The following MAP7D1 variants were observed in gnomAD, a reference collection of about 807,000 sequenced individuals.
The protein encoded by MAP7D1 is MAP7 domain containing 1, also known as MAP7 domain-containing protein 1.
Under a neutral mutation model 97.5 loss-of-function variants are expected in MAP7D1, and 30 were observed. The ratio of observed to expected loss-of-function variants is 0.31; its 90% CI spans 0.23 to 0.42. MAP7D1 has a LOEUF of 0.42. MAP7D1 is among the 10% of genes least tolerant of loss of function. MAP7D1 has a pLI of 1.00. For missense variants in MAP7D1, 1,184 were observed against 1,179.5 expected, an observed-to-expected ratio of 1.00 and a Z score of -0.06; for synonymous variants, 536 against 477.1, an observed-to-expected ratio of 1.12 and a Z score of -1.61.
At position 36,176,490 on chromosome 1, in the gene MAP7D1, G is replaced by C; in HGVS notation, c.1142G>C (p.Arg381Pro). 1 of 1,389,262 alleles carries C rather than the reference G, an allele frequency of 7.2e-7. No individual in the cohort carries two copies. Among genetic ancestry groups the C allele is most frequent in the Non-Finnish European group, 9.3e-7 (1 of 1,074,172 alleles). The allele number at this position is 1,389,262 out of a possible 1,614,324, so 86.1% of individuals were successfully genotyped here. ...TPCSVTRSVH[R>P]CAPAGERGER... Reference sequence around the variant, plus strand: ...TGCAGCGTCACCCGAAGCGTGCACCGCTGCGCCCCCGCCGGTGAGCGCGGG... The same window carrying C: ...TGCAGCGTCACCCGAAGCGTGCACCCCTGCGCCCCCGCCGGTGAGCGCGGG... The change falls in exon 7 of 17, where the codon CGC becomes CCC. Residue 381 changes from arginine to proline, a missense_variant. Coordinates refer to ENST00000474796, the MANE Select transcript of MAP7D1 (RefSeq NM_001388490.1). The surrounding 1 kb of genome is among the most constrained non-coding windows in gnomAD (Gnocchi z 6.1).
At chr1:36,163,328 T>G (rs1414270278) in intron 1 of MAP7D1, among the ~76,000 whole-genome samples, 1 of 152,204 alleles carries the variant, frequency 6.6e-6, no homozygotes, top group East Asian at 1.9e-4. Flanking sequence ...AACAAATACT[T>G]CTGGTAGATA....
At chr1:36,166,635 T>C (rs1380966000) in intron 1 of MAP7D1, among the ~76,000 whole-genome samples, 1 of 152,136 alleles carries the variant, frequency 6.6e-6, no homozygotes, top group Non-Finnish European at 1.5e-5. Context: ...GTGATCTGCC[T>C]GCCTTGGCCT....
chr1:36,180,126 C>G (rs964637957), intron 16 of MAP7D1, 59 bp downstream of exon 16: 1 of 1,610,282 alleles, frequency 6.2e-7, no homozygotes, highest in Non-Finnish European at 8.5e-7. Flanking sequence ...CCCTGTACTC[C>G]TCAGCCCTGC....
At chr1:36,156,612 G>A (rs1487877687) in intron 1 of MAP7D1, 149 bp downstream of exon 1, 25 of 581,854 alleles carry the variant, frequency 4.3e-5, no homozygotes, top group Non-Finnish European at 8.0e-6. Context: ...TGCGGCGGCG[G>A]CGGCTCCAGG....
At position 36,180,042 on chromosome 1, in the gene MAP7D1, T is replaced by C. The variant is rs370844829; in HGVS notation, c.2487T>C (p.Ala829=). 8.7e-6 allele frequency: 14 copies of C among 1,613,966 alleles called. No homozygotes were observed. The highest frequency in any genetic ancestry group is 1.2e-5 in the Non-Finnish European group (14 of 1,179,994). ...AGGCAGAAGCCTTCCTCAAGAAAGCTGTGGTGCAGTCCCCGCAGGTCACAG... is the reference window on the plus strand; with the variant it reads ...AGGCAGAAGCCTTCCTCAAGAAAGCCGTGGTGCAGTCCCCGCAGGTCACAG... The part of the protein sequence containing the change: ...FAEAEAFLKK[A]VVQSPQVTEV... Residue 829 remains alanine, a synonymous_variant, in exon 16 of 17, where the codon GCT becomes GCC. Transcript: ENST00000474796.
rs1644539989 is a variant in MAP7D1 at position 36,171,286 on chromosome 1, C to T, written c.362C>T (p.Pro121Leu). 6.4e-7 allele frequency: 1 copy of T among 1,570,148 alleles called. No homozygotes were observed. The highest frequency in any genetic ancestry group is 8.6e-7 in the Non-Finnish European group (1 of 1,157,626). Reference sequence around the variant, plus strand: ...AGCCAGCCATCTCCAACAGCAGTGCCAGCCTCCGACAGCCCTCCCACCAAG... The same window carrying T: ...AGCCAGCCATCTCCAACAGCAGTGCTAGCCTCCGACAGCCCTCCCACCAAG... ...RSSQPSPTAV[P>L]ASDSPPTKQE... is the part of the protein sequence containing the mutation. Residue 121 changes from proline (P) to leucine (L), a missense_variant, in exon 2 of 17, where the codon CCA becomes CTA. Coordinates refer to ENST00000474796, the MANE Select transcript of MAP7D1 (RefSeq NM_001388490.1).
At chr1:36,179,373 C>A in intron 13 of MAP7D1, 58 bp downstream of exon 13, 1 of 1,603,282 alleles carries the variant, frequency 6.2e-7, no homozygotes, top group Non-Finnish European at 8.5e-7. Context: ...GAAAAGGAGG[C>A]TGCGGAAAGG....
rs1644669536 is a variant in MAP7D1 at position 36,178,783 on chromosome 1, C to T, written c.1985C>T (p.Ala662Val). Residue 662 changes from alanine (A) to valine (V), a missense_variant, in exon 11 of 17, where the codon GCG (alanine) becomes GTG (valine). By Grantham distance (64) the Ala-to-Val change is moderately conservative (BLOSUM62 0). Transcript: ENST00000474796. ...RREEQEAREK[A>V]QAEQEEQERL... is the part of the protein sequence containing the mutation. ...GAGGAGCAGGAGGCACGAGAGAAGG[C>T]GCAGGCCGAGCAGGAGGAGCAGGAG... 6.5e-7 allele frequency: 1 copy of T among 1,547,230 alleles called. No individual in the cohort carries two copies.
chr1:36,166,019 C>T lies in MAP7D1; in HGVS notation c.47-4952C>T, dbSNP rs191960995. 1.2e-3 allele frequency among the ~76,000 whole-genome samples: 189 copies of T among 152,202 alleles called. 1 individual carries two copies. The highest frequency in any genetic ancestry group is 4.3e-3 in the African/African-American group (179 of 41,534). On this transcript the variant is annotated intron_variant, in intron 1 of 16. Transcript: ENST00000474796. ...TGCTGGGATTACAGGCGTGAGCCAC[C>T]GCTCCCAGCCCAGTTTGTAGTTTTA...
chr1:36,172,345 G>T, intron 3 of MAP7D1, 119 bp from the exon 4 acceptor site: 2 of 1,016,794 alleles, frequency 2.0e-6, no homozygotes, highest in Non-Finnish European at 2.7e-6. Flanking sequence ...CACCTAAGCA[G>T]GCGGGAGAAA....
chr1:36,172,602 A>C lies in MAP7D1; in HGVS notation c.599A>C (p.Gln200Pro). The C allele has an allele frequency of 1.3e-6, 2 of 1,572,846 alleles. No homozygotes were observed. Among genetic ancestry groups the C allele is most frequent in the Non-Finnish European group, 1.7e-6 (2 of 1,148,980 alleles). The change falls in exon 4 of 17, where the codon CAG becomes CCG. Residue 200 changes from glutamine (Q) to proline (P), a missense_variant. By Grantham distance (76) the Gln-to-Pro change is moderately conservative. Transcript: ENST00000474796. ...CGCCGTGCAGCCCTGGAGGAACGGC[A>C]GCGGCAGAAGCTCGAGAAAAACAAG... is the stretch of plus-strand genomic sequence containing the variant. ...EQRRAALEER[Q>P]RQKLEKNKER... is the part of the protein sequence containing the mutation.
In MAP7D1 at chr1:36,171,022, CT is replaced by C; in HGVS notation, c.100del (p.Ser34ProfsTer22). ...PEPRPSPEGD[P>X]SPPPPPMSAL... The stretch of plus-strand genomic sequence containing the variant: ...CCAAGACCTTCTCCAGAAGGTGACC[CT>C]TCCCCCCCACCACCACCAATGTCAG... On this transcript the variant is annotated frameshift_variant, in exon 2 of 17. Coordinates refer to ENST00000474796, the MANE Select transcript of MAP7D1 (RefSeq NM_001388490.1). LOFTEE classifies it high-confidence loss of function. 6.3e-7 allele frequency: 1 copy of C among 1,584,348 alleles called. No homozygotes were observed. Among genetic ancestry groups the C allele is most frequent in the South Asian group, 1.1e-5 (1 of 89,712 alleles).
intron 1 of MAP7D1, among the ~76,000 whole-genome samples, 192 bp from the exon 2 acceptor site, chr1:36,170,779 G>A (rs963172648): frequency 6.6e-6 from 1 of 152,142 alleles, no homozygotes; most frequent in African/African-American, 2.4e-5. Flanking sequence ...GAGGGTAAGC[G>A]CCACAGAGGC....
chr1:36,180,209 C>T (rs752325424), intron 16 of MAP7D1, 39 bp from the exon 17 acceptor site: 4 of 1,613,898 alleles, frequency 2.5e-6, no homozygotes, highest in South Asian at 1.1e-5. Context: ...GGCTTGAGTG[C>T]TGTTTGCCCT....
chr1:36,163,816 T>C (rs1023721465), intron 1 of MAP7D1, among the ~76,000 whole-genome samples: 32 of 131,314 alleles, frequency 2.4e-4, no homozygotes, highest in East Asian at 4.7e-4. Context: ...ATACTTTTTT[T>C]CTTTTTTTTT....
At chr1:36,173,559 A>C in intron 5 of MAP7D1, 81 bp downstream of exon 5, 1 of 1,063,500 alleles carries the variant, frequency 9.4e-7, no homozygotes, top group Non-Finnish European at 1.4e-6. Context: ...TCCCTACAAA[A>C]AGCTGGTGGC....
In MAP7D1 at chr1:36,164,638, G is replaced by A. The variant is rs566408802; in HGVS notation, c.47-6333G>A. The stretch of plus-strand genomic sequence containing the variant: ...AAGCGGGGAGCAGGGTAGGAGAGGA[G>A]ATCCAAGAAGTAGGGGGAGGGAGTC... On this transcript the variant is annotated intron_variant, in intron 1 of 16. Coordinates refer to ENST00000474796, the MANE Select transcript of MAP7D1 (RefSeq NM_001388490.1). Among the ~76,000 whole-genome samples, 5 of 152,266 alleles carry A rather than the reference G, an allele frequency of 3.3e-5. No homozygotes were observed. In the South Asian group the frequency reaches 6.2e-4, roughly 19 times the overall value.
At position 36,178,870 on chromosome 1, in the gene MAP7D1, G is replaced by C. The variant is rs761444800; in HGVS notation, c.2025+47G>C. On this transcript the variant is annotated intron_variant, in intron 11 of 16. Transcript: ENST00000474796. ...CGGCTGGGCGCGGGCGCCGCGGGCC[G>C]GGAGGGAAGGCTGGAGTCAAGTGCC... 1.0e-5 allele frequency: 16 copies of C among 1,547,932 alleles called. No homozygotes were observed. The African/African-American group carries it at 2.1e-4, about 20-fold the overall frequency.
At chr1:36,167,564 G>A (rs952457858) in intron 1 of MAP7D1, among the ~76,000 whole-genome samples, 2 of 152,174 alleles carry the variant, frequency 1.3e-5, no homozygotes, top group African/African-American at 4.8e-5. Context: ...AGGTGCCACC[G>A]ATGATGTACC....
Sources: allele counts gnomAD v4.1 joint callset (sites outside exome capture counted in the v4.1 genomes callset), GRCh38; gene constraint gnomAD v4.1.1; non-coding constraint Gnocchi (gnomAD v3.1); transcripts MANE v1.5; gene names NCBI Gene and HGNC (gene_info 2026-07-23, HGNC 2026-07-21).